The following SFT2D2 variants were observed in gnomAD, a reference collection of about 807,000 sequenced individuals.
SFT2D2 encodes SFT2 domain containing 2.
A neutral mutation model predicts 27.4 loss-of-function variants in SFT2D2; 21 were observed. That is an observed-to-expected ratio of 0.77 (90% confidence interval 0.54 to 1.10). SFT2D2 has a LOEUF of 1.10. Ranked by LOEUF, SFT2D2 falls within the 50% of genes least tolerant of loss-of-function variation. The pLI, the probability that SFT2D2 is intolerant of heterozygous loss-of-function variation, is 0.00. For missense variants in SFT2D2, 187 were observed against 194.2 expected, an observed-to-expected ratio of 0.96 and a Z score of 0.22; for synonymous variants, 72 against 71.7, an observed-to-expected ratio of 1.00 and a Z score of -0.02.
chr1:168,226,281 G>T, intron 1 of SFT2D2, 139 bp downstream of exon 1: 8 of 701,260 alleles, frequency 1.1e-5, no homozygotes, highest in Non-Finnish European at 1.8e-5. Context: ...TCTTCTGCAG[G>T]GCTCCGCGAA....
At chr1:168,228,705 A>G (rs892222450) in intron 1 of SFT2D2, among the ~76,000 whole-genome samples, 1 of 152,148 alleles carries the variant, frequency 6.6e-6, no homozygotes, top group African/African-American at 2.4e-5. Context: ...TTTCTGAACA[A>G]TTCTTAGTAT....
chr1:168,240,963 A>T (rs996827308), intron 7 of SFT2D2, among the ~76,000 whole-genome samples: 41 of 152,232 alleles, frequency 2.7e-4, no homozygotes, highest in Admixed American at 2.2e-3. Flanking sequence ...AAGGCATTAA[A>T]CCCAATGTGG....
At position 168,246,389 on chromosome 1, in the gene SFT2D2, A is replaced by G; in HGVS notation, c.*3849A>G. 1.5e-6 allele frequency: 1 copy of G among 678,840 alleles called. No individual in the cohort carries two copies. The highest frequency in any genetic ancestry group is 1.9e-5 in the South Asian group (1 of 53,488). The allele number at this position is 678,840 out of a possible 1,614,324, so 42.1% of individuals were successfully genotyped here. On this transcript the variant is annotated 3_prime_UTR_variant, in exon 8 of 8. Transcript: ENST00000271375. ...GCTTTTCTGTGCATTTTTCTACTTT[A>G]TCTTGGCCACTTGTGTACATTTTTT...
At position 168,242,702 on chromosome 1, in the gene SFT2D2, A is replaced by G. The variant is rs936395328; in HGVS notation, c.*162A>G. 4.9e-6 allele frequency: 4 copies of G among 822,206 alleles called. No individual in the cohort carries two copies. In the African/African-American group the frequency reaches 6.8e-5, roughly 14 times the overall value. 50.9% of individuals were successfully genotyped at this position (822,206 alleles called of 1,614,324 possible). A position where few individuals can be genotyped will look rare whatever the true frequency, so the allele number is the denominator to read the frequency against. On this transcript the variant is annotated 3_prime_UTR_variant, in exon 8 of 8. Transcript: ENST00000271375. ...CATTTGAGGGTTACTTTTGGAAGCAACAATACATTCTCGAACCTGAATGTC... is the reference window on the plus strand; with the variant it reads ...CATTTGAGGGTTACTTTTGGAAGCAGCAATACATTCTCGAACCTGAATGTC...
At chr1:168,236,667 C>A (rs1221469178) in intron 5 of SFT2D2, 43 bp downstream of exon 5, 2 of 1,613,516 alleles carry the variant, frequency 1.2e-6, no homozygotes, top group South Asian at 1.1e-5. Flanking sequence ...TTGGCTTTTG[C>A]CCCTTGTCTC....
rs1194246912 is a variant in SFT2D2 at position 168,248,034 on chromosome 1, ATTTG to A, written c.*5498_*5501del. ...CGATGGGGTTGTTTTGCTCTTATAA[ATTTG>A]TTTAAGTTCTATGTAGATTCTGGAT... On this transcript the variant is annotated 3_prime_UTR_variant, in exon 8 of 8. Transcript: ENST00000271375. 1.3e-5 allele frequency: 2 copies of A among 152,158 alleles called. No individual in the cohort carries two copies. Among genetic ancestry groups the A allele is most frequent in the Non-Finnish European group, 2.9e-5 (2 of 68,030 alleles). 9.4% of individuals were successfully genotyped at this position (152,158 alleles called of 1,614,324 possible).
rs575762450 is a variant in SFT2D2, at chr1:168,247,337, G to A, written c.*4797G>A. 1.1e-3 allele frequency: 186 copies of A among 176,314 alleles called. No homozygotes were observed. The highest frequency in any genetic ancestry group is 1.6e-3 in the Non-Finnish European group (143 of 87,780). The allele number at this position is 176,314 out of a possible 1,614,324, so 10.9% of individuals were successfully genotyped here. A position where few individuals can be genotyped will look rare whatever the true frequency, so the allele number is the denominator to read the frequency against. On this transcript the variant is annotated 3_prime_UTR_variant, in exon 8 of 8. Coordinates refer to ENST00000271375, the MANE Select transcript of SFT2D2 (RefSeq NM_199344.3). ...TATCCCTCCCCTAGCCCCCACCCCC[G>A]GACAGGCCCCGGTATGTGATGTTCC...
chr1:168,235,322 G>A (rs980894226), intron 4 of SFT2D2, 140 bp downstream of exon 4: 1 of 813,520 alleles, frequency 1.2e-6, no homozygotes, highest in East Asian at 2.5e-5. Context: ...TAACCATGTG[G>A]CAGAAGGGAA....
intron 1 of SFT2D2, among the ~76,000 whole-genome samples, chr1:168,230,390 C>G (rs543803889): frequency 6.6e-6 from 1 of 152,162 alleles, no homozygotes; most frequent in Admixed American, 6.5e-5. Flanking sequence ...TGGTCTCTTA[C>G]GGCAGCTGTC....
intron 1 of SFT2D2, among the ~76,000 whole-genome samples, chr1:168,227,384 C>T (rs776565565): frequency 6.6e-6 from 1 of 152,180 alleles, no homozygotes; most frequent in Non-Finnish European, 1.5e-5. Context: ...TCTCAGCAAG[C>T]TGCTTTCACC....
chr1:168,242,506 C>G lies in SFT2D2; in HGVS notation c.449C>G (p.Ala150Gly). 1 of 1,614,126 alleles carries G rather than the reference C, an allele frequency of 6.2e-7. No individual in the cohort carries two copies. The highest frequency in any genetic ancestry group is 8.5e-7 in the Non-Finnish European group (1 of 1,180,006). Residue 150 changes from alanine to glycine, a missense_variant, in exon 8 of 8, where the codon GCT (alanine) becomes GGT (glycine). Ala to Gly is a moderately conservative substitution (Grantham distance 60). Coordinates refer to ENST00000271375, the MANE Select transcript of SFT2D2 (RefSeq NM_199344.3). ...SLSFIPFARD[A>G]VKKCFAVCLA is the part of the protein sequence containing the mutation. ...TTGTGTCTTTTCTTTCCTAGGGATG[C>G]TGTGAAGAAGTGTTTTGCCGTGTGT...
chr1:168,252,542 A>G lies in SFT2D2; in HGVS notation c.*10002A>G, dbSNP rs914242599. The G allele has an allele frequency of 6.6e-6, 1 of 152,126 alleles. No homozygotes were observed. The allele number at this position is 152,126 out of a possible 1,614,324, so 9.4% of individuals were successfully genotyped here. A position where few individuals can be genotyped will look rare whatever the true frequency, so the allele number is the denominator to read the frequency against. ...CAATTTTTTGGTCTTTCTGCTATGA[A>G]ACGTGTTTATTTTGCCTCTGTCAAT... On this transcript the variant is annotated 3_prime_UTR_variant, in exon 8 of 8. Transcript: ENST00000271375.
intron 3 of SFT2D2, among the ~76,000 whole-genome samples, chr1:168,233,787 T>G (rs1056143387): frequency 6.6e-6 from 1 of 152,188 alleles, no homozygotes; most frequent in South Asian, 2.1e-4. Flanking sequence ...AGGGAAATAA[T>G]AAAGGGAGCA....
intron 1 of SFT2D2, among the ~76,000 whole-genome samples, chr1:168,230,775 G>A (rs1647246641): frequency 6.6e-6 from 1 of 152,114 alleles, no homozygotes; most frequent in African/African-American, 2.4e-5. Context: ...GTGCCTGGCT[G>A]TTGTCATTTT....
In SFT2D2 at chr1:168,246,471, CA is replaced by C; in HGVS notation, c.*3934del. On this transcript the variant is annotated 3_prime_UTR_variant, in exon 8 of 8. Transcript: ENST00000271375. The stretch of plus-strand genomic sequence containing the variant: ...GCTCTCTTTGTATGTGTTCAAAAAC[CA>C]AAGCGTTTTCTTTCAGAGCCTCTCT... The C allele has an allele frequency of 7.3e-7, 1 of 1,361,524 alleles. No homozygotes were observed. 84.3% of individuals were successfully genotyped at this position (1,361,524 alleles called of 1,614,324 possible). A position where few individuals can be genotyped will look rare whatever the true frequency, so the allele number is the denominator to read the frequency against.
rs1382261938 is a variant in SFT2D2 at position 168,249,632 on chromosome 1, G to A, written c.*7092G>A. The A allele has an allele frequency of 6.6e-6, 1 of 152,646 alleles. No homozygotes were observed. The highest frequency in any genetic ancestry group is 6.5e-5 in the Admixed American group (1 of 15,276). 9.5% of individuals were successfully genotyped at this position (152,646 alleles called of 1,614,324 possible). A position where few individuals can be genotyped will look rare whatever the true frequency, so the allele number is the denominator to read the frequency against. On this transcript the variant is annotated 3_prime_UTR_variant, in exon 8 of 8. Transcript: ENST00000271375. ...TATAGCATACTAGTAGTGAATGTAG[G>A]CTTTGAAGTCAGATGCATCTGGCTG...
intron 1 of SFT2D2, among the ~76,000 whole-genome samples, chr1:168,228,285 G>GA (rs1245843823): frequency 3.3e-5 from 5 of 152,188 alleles, no homozygotes; most frequent in Non-Finnish European, 7.3e-5. Flanking sequence ...GGGGCTGGTA[G>GA]AACTGGAGGA....
chr1:168,247,236 T>C lies in SFT2D2; in HGVS notation c.*4696T>C, dbSNP rs192218925. 3.2e-3 allele frequency: 849 copies of C among 268,582 alleles called. 1 individual carries two copies. The highest frequency in any genetic ancestry group is 5.0e-3 in the South Asian group (123 of 24,690). The allele number at this position is 268,582 out of a possible 1,614,324, so 16.6% of individuals were successfully genotyped here. On this transcript the variant is annotated 3_prime_UTR_variant, in exon 8 of 8. Coordinates refer to ENST00000271375, the MANE Select transcript of SFT2D2 (RefSeq NM_199344.3). ...ATATGAGATTCTGGAAATACTTCTT[T>C]TTTTAAATTATACTTTAAGTTCTGG...
At position 168,242,603 on chromosome 1, in the gene SFT2D2, TA is replaced by T; in HGVS notation, c.*65del. The T allele has an allele frequency of 3.1e-6, 5 of 1,591,538 alleles. No homozygotes were observed. The South Asian group carries it at 5.5e-5, about 18-fold the overall frequency. On this transcript the variant is annotated 3_prime_UTR_variant, in exon 8 of 8. Coordinates refer to ENST00000271375, the MANE Select transcript of SFT2D2 (RefSeq NM_199344.3). ...GGACAGAAGCTGGTGGACAGTTTTG[TA>T]ACTATCTTCGAAACCTCTGTCTTAC...
Sources: gnomAD v4.1 joint callset for allele counts (sites outside exome capture counted in the v4.1 genomes callset) on GRCh38, gnomAD v4.1.1 for gene constraint, MANE v1.5 for transcripts, NCBI Gene and HGNC (gene_info 2026-07-23, HGNC 2026-07-21) for gene names.